The following PKD2 variants were observed in gnomAD, a reference collection of about 807,000 sequenced individuals.
PKD2 encodes the protein polycystin 2, transient receptor potential cation channel.
PKD2 carries 48 observed loss-of-function variants against 105.9 expected under a neutral mutation model. The ratio of observed to expected loss-of-function variants is 0.45; its 90% CI spans 0.36 to 0.58. PKD2 has a LOEUF of 0.58. Among genes scored for constraint, PKD2 ranks in the 20% least tolerant of loss-of-function variants. The pLI, the probability that PKD2 is intolerant of heterozygous loss-of-function variation, is 0.00. For missense variants in PKD2, 1,078 were observed against 1,255.3 expected (o/e 0.86, Z 2.13); for synonymous variants, 464 against 481.1 (o/e 0.96, Z 0.46).
At chr4:88,070,623 GAGAGAA>G (rs1355205736) in intron 13 of PKD2, among the ~76,000 whole-genome samples, 2 of 146,114 alleles carry the variant, frequency 1.4e-5, no homozygotes, top group Admixed American at 6.9e-5. Flanking sequence ...GAGAGAGAGA[GAGAGAA>G]AGAGAGAGAG....
intron 10 of PKD2, among the ~76,000 whole-genome samples, chr4:88,063,723 G>A (rs1395783302): frequency 6.6e-6 from 1 of 152,100 alleles, no homozygotes; most frequent in Non-Finnish European, 1.5e-5. Context: ...AAGAACTTAG[G>A]GCAGGTCTAT....
At chr4:88,065,527 A>T in intron 11 of PKD2, 32 bp downstream of exon 11, 1 of 1,608,698 alleles carries the variant, frequency 6.2e-7, no homozygotes, top group Non-Finnish European at 8.5e-7. Flanking sequence ...GTTCTGAAAA[A>T]TTCCTGCTTC....
At chr4:88,024,851 T>A (rs956594506) in intron 2 of PKD2, among the ~76,000 whole-genome samples, 1 of 151,998 alleles carries the variant, frequency 6.6e-6, no homozygotes, top group African/African-American at 2.4e-5. Flanking sequence ...GTAGAAAAAA[T>A]AGGCCAAGCA....
At chr4:88,063,408 G>A (rs1370963055) in intron 10 of PKD2, among the ~76,000 whole-genome samples, 2 of 152,118 alleles carry the variant, frequency 1.3e-5, no homozygotes, top group East Asian at 1.9e-4. Flanking sequence ...ACAGATGCCT[G>A]TAATCCCAGC....
At chr4:88,049,493 T>G (rs911990093) in intron 6 of PKD2, among the ~76,000 whole-genome samples, 3 of 152,212 alleles carry the variant, frequency 2.0e-5, no homozygotes, top group African/African-American at 7.2e-5. Context: ...TAAACAACAC[T>G]TAATACTGCC....
intron 2 of PKD2, among the ~76,000 whole-genome samples, chr4:88,028,765 G>A (rs9307045): frequency 0.25 from 37,913 of 152,100 alleles, 5,420 homozygotes; most frequent in Non-Finnish European, 0.32. Flanking sequence ...TCTAAGTACA[G>A]TTTCTACTGA....
At chr4:88,010,498 C>T (rs1004460187) in intron 1 of PKD2, among the ~76,000 whole-genome samples, 17 of 152,152 alleles carry the variant, frequency 1.1e-4, no homozygotes, top group African/African-American at 4.1e-4. Context: ...TGAGATTCCC[C>T]CTGCCCCCTT....
chr4:88,070,042 T>G (rs539985507), intron 13 of PKD2, among the ~76,000 whole-genome samples: 47 of 152,376 alleles, frequency 3.1e-4, no homozygotes, highest in African/African-American at 1.1e-3. Context: ...CTGATTACTA[T>G]CTGGAGTCAC....
intron 4 of PKD2, among the ~76,000 whole-genome samples, chr4:88,041,670 T>A (rs540154626): frequency 6.6e-6 from 1 of 152,300 alleles, no homozygotes; most frequent in East Asian, 1.9e-4. Context: ...ATGACTAGCA[T>A]GTGCCAAAAT....
chr4:88,067,865 C>T (rs370304720), intron 12 of PKD2, 33 bp from the exon 13 acceptor site: 15 of 1,604,034 alleles, frequency 9.4e-6, no homozygotes, highest in African/African-American at 1.3e-5. Flanking sequence ...TCTCAGTGTT[C>T]TGCTCCTCAC....
intron 2 of PKD2, chr4:88,035,959 A>C (rs1360484370): frequency 8.0e-6 from 4 of 498,742 alleles, no homozygotes; most frequent in African/African-American, 1.9e-5. Flanking sequence ...AACGTTCCTG[A>C]TCTTACATTG....
At chr4:88,075,350 T>C in intron 14 of PKD2, 108 bp from the exon 15 acceptor site, 4 of 872,832 alleles carry the variant, frequency 4.6e-6, no homozygotes, top group South Asian at 2.6e-5. Flanking sequence ...TTTGCTATTA[T>C]ATGCTGTAAA....
chr4:88,063,308 G>A (rs1720651686), intron 10 of PKD2, among the ~76,000 whole-genome samples: 1 of 152,170 alleles, frequency 6.6e-6, no homozygotes, highest in Non-Finnish European at 1.5e-5. Flanking sequence ...AAGGCGGATG[G>A]ATCACCTGAG....
chr4:88,066,171 AAC>A (rs1578147753), intron 12 of PKD2, among the ~76,000 whole-genome samples: 1 of 152,188 alleles, frequency 6.6e-6, no homozygotes, highest in East Asian at 1.9e-4. Context: ...CATTCATAAA[AAC>A]ACATATGCTT....
At chr4:88,043,578 C>T (rs1467865450) in intron 5 of PKD2, 121 bp downstream of exon 5, 4 of 690,036 alleles carry the variant, frequency 5.8e-6, no homozygotes, top group South Asian at 5.2e-5. Flanking sequence ...AGGACCCAGA[C>T]GGATAGCAAG....
intron 13 of PKD2, among the ~76,000 whole-genome samples, chr4:88,068,272 G>A (rs903715656): frequency 6.6e-6 from 1 of 152,132 alleles, no homozygotes; most frequent in African/African-American, 2.4e-5. Flanking sequence ...AGTTCGAGAC[G>A]AGCCTGGCCA....
Position 88,075,183 on chromosome 4 carries a change from T to C in PKD2, c.2670+224T>C, listed in dbSNP as rs148148959. On this transcript the variant is annotated intron_variant, in intron 14 of 14. Transcript: ENST00000237596. ...TTGCTATAAAACATCAATGTAGTCA[T>C]ATTGTCTAACCCTTAGGCTGAGATG... is the stretch of plus-strand genomic sequence containing the variant. Among the ~76,000 whole-genome samples the C allele has an allele frequency of 3.3e-5, 5 of 152,308 alleles. No homozygotes were observed. In the East Asian group the frequency reaches 9.6e-4, roughly 29 times the overall value.
Position 88,008,261 on chromosome 4 carries a change from C to A in PKD2, c.528C>A (p.Arg176=). 1 of 1,467,278 alleles carries A rather than the reference C, an allele frequency of 6.8e-7. No homozygotes were observed. The highest frequency in any genetic ancestry group is 9.0e-7 in the Non-Finnish European group (1 of 1,113,996). The allele number at this position is 1,467,278 out of a possible 1,614,324, so 90.9% of individuals were successfully genotyped here. ...SPVGGGDPLH[R]HLPLEGQPPR... is the part of the protein sequence containing the mutation. Reference sequence around the variant, plus strand: ...TCGGCGGCGGGGACCCGCTGCATCGCCACCTCCCCCTGGAAGGGCAGCCGC... The same window carrying A: ...TCGGCGGCGGGGACCCGCTGCATCGACACCTCCCCCTGGAAGGGCAGCCGC... Residue 176 remains arginine (R), a synonymous_variant, in exon 1 of 15, where the codon CGC becomes CGA. Transcript: ENST00000237596.
intron 2 of PKD2, among the ~76,000 whole-genome samples, chr4:88,021,044 C>T (rs1726729922): frequency 1.3e-5 from 2 of 152,166 alleles, no homozygotes; most frequent in African/African-American, 4.8e-5. Context: ...ATTGAGTTTG[C>T]TGCCTGCATT....
Sources: gnomAD v4.1 joint callset for allele counts (sites outside exome capture counted in the v4.1 genomes callset) on GRCh38, gnomAD v4.1.1 for gene constraint, MANE v1.5 for transcripts, NCBI Gene and HGNC (gene_info 2026-07-23, HGNC 2026-07-21) for gene names.